MKLN1: variants seen among roughly 807,000 people sequenced by gnomAD.
MKLN1 encodes muskelin 1, also known as muskelin.
MKLN1 carries 18 observed loss-of-function variants against 99.0 expected under a neutral mutation model. The ratio of observed to expected loss-of-function variants is 0.18; its 90% confidence interval spans 0.13 to 0.27. MKLN1 has a LOEUF of 0.27. Among genes scored for constraint, MKLN1 ranks in the 10% least tolerant of loss-of-function variants. MKLN1 has a pLI of 1.00. For missense variants in MKLN1, 621 were observed against 875.9 expected (o/e 0.71, Z 3.67); for synonymous variants, 288 against 293.2 (o/e 0.98, Z 0.18).
chr7:131,364,789 GT>G (rs979364440), intron 1 of MKLN1, among the ~76,000 whole-genome samples: 4 of 151,626 alleles, frequency 2.6e-5, no homozygotes, highest in South Asian at 2.1e-4. Flanking sequence ...AAATGATCTC[GT>G]TTTTTTTATG....
intron 3 of MKLN1, among the ~76,000 whole-genome samples, chr7:131,254,736 T>C (rs995763180): frequency 6.6e-6 from 1 of 151,766 alleles, no homozygotes; most frequent in African/African-American, 2.4e-5. Flanking sequence ...TAGATAGAGA[T>C]TATTTAATCT....
chr7:131,472,958 A>C (rs2398764), intron 16 of MKLN1, among the ~76,000 whole-genome samples: 2 of 151,364 alleles, frequency 1.3e-5, no homozygotes, highest in Non-Finnish European at 3.0e-5. Flanking sequence ...AAAAAAAAAA[A>C]AAAAAAAGAA....
chr7:131,224,532 G>A (rs968201388), intron 3 of MKLN1, among the ~76,000 whole-genome samples: 1 of 151,926 alleles, frequency 6.6e-6, no homozygotes, highest in African/African-American at 2.4e-5. Context: ...GTGATAGAGC[G>A]AGACTCCTTC....
At chr7:131,158,318 C>A (rs7806683) in intron 2 of MKLN1, among the ~76,000 whole-genome samples, 8,545 of 152,184 alleles carry the variant, frequency 0.056, 291 homozygotes, top group African/African-American at 0.086. Context: ...GGCAAAGTCC[C>A]AGCTATTCTG....
intron 4 of MKLN1, among the ~76,000 whole-genome samples, chr7:131,391,241 G>A (rs1284381540): frequency 1.3e-5 from 2 of 151,962 alleles, no homozygotes; most frequent in Non-Finnish European, 2.9e-5. Context: ...TAGGTAAATC[G>A]TTAGAATTTG....
upstream of MKLN1, among the ~76,000 whole-genome samples, chr7:131,323,117 T>C (rs1477479614): frequency 2.6e-5 from 4 of 152,212 alleles, no homozygotes; most frequent in African/African-American, 9.7e-5. Flanking sequence ...AGCAGTCTTA[T>C]TCCCATTCTG....
chr7:131,410,158 G>A (rs2116319628), intron 6 of MKLN1, among the ~76,000 whole-genome samples: 1 of 152,194 alleles, frequency 6.6e-6, no homozygotes, highest in South Asian at 2.1e-4. Context: ...TATGTAGGGA[G>A]TTCAGTCTCC....
intron 2 of MKLN1, among the ~76,000 whole-genome samples, chr7:131,201,310 A>G (rs1796724576): frequency 6.6e-6 from 1 of 152,184 alleles, no homozygotes; most frequent in Admixed American, 6.5e-5. Flanking sequence ...GTGAGCCACC[A>G]TGCCCGGCCC....
chr7:131,236,129 T>C (rs1372645395), intron 3 of MKLN1, among the ~76,000 whole-genome samples: 1 of 152,168 alleles, frequency 6.6e-6, no homozygotes, highest in Non-Finnish European at 1.5e-5. Context: ...ATGTAAGTAG[T>C]AAGTAAAATG....
At chr7:131,428,337 A>G (rs1266616441) in intron 8 of MKLN1, among the ~76,000 whole-genome samples, 2 of 152,232 alleles carry the variant, frequency 1.3e-5, no homozygotes, top group South Asian at 2.1e-4. Flanking sequence ...GATACTTAGA[A>G]TGACTTAAAG....
chr7:131,376,095 A>AATATCTATATATATAT (rs1793638207), intron 2 of MKLN1, among the ~76,000 whole-genome samples: 1 of 108,064 alleles, frequency 9.3e-6, no homozygotes, highest in Non-Finnish European at 1.9e-5. Flanking sequence ...AATTCATGGA[A>AATATCTATATATATAT]ATATATATAT....
intron 1 of MKLN1, among the ~76,000 whole-genome samples, chr7:131,349,283 C>T (rs1450287133): frequency 6.6e-6 from 1 of 151,690 alleles, no homozygotes; most frequent in Non-Finnish European, 1.5e-5. Flanking sequence ...GCAACCTCTA[C>T]CTCCCAGGTT....
At chr7:131,337,249 T>A (rs1224768776) in intron 1 of MKLN1, among the ~76,000 whole-genome samples, 5 of 152,200 alleles carry the variant, frequency 3.3e-5, no homozygotes. Flanking sequence ...GAATTTGTAG[T>A]ATGACTGATC....
intron 6 of MKLN1, among the ~76,000 whole-genome samples, chr7:131,409,706 T>TAGTAAA (rs1254895161): frequency 6.6e-6 from 1 of 152,322 alleles, no homozygotes; most frequent in Admixed American, 6.5e-5. Flanking sequence ...CAGAGTTTAA[T>TAGTAAA]AGTAAAAGTA....
chr7:131,265,476 G>C (rs1267402716), intron 3 of MKLN1, among the ~76,000 whole-genome samples: 2 of 152,010 alleles, frequency 1.3e-5, no homozygotes, highest in African/African-American at 4.8e-5. Context: ...CCACTCCACA[G>C]CCTAGGCTGG....
intron 12 of MKLN1, among the ~76,000 whole-genome samples, chr7:131,457,004 G>A (rs1171583077): frequency 2.0e-5 from 3 of 152,314 alleles, no homozygotes; most frequent in Admixed American, 6.5e-5. Context: ...ACGGCCAGGG[G>A]TGATGGCTAG....
chr7:131,242,134 G>GCAT (rs1043976277), intron 3 of MKLN1, among the ~76,000 whole-genome samples: 1 of 152,210 alleles, frequency 6.6e-6, no homozygotes, highest in Non-Finnish European at 1.5e-5. Context: ...TGGAAAATTA[G>GCAT]CTGGCCAAGG....
Position 131,266,303 on chromosome 7 carries a change from A to AG in MKLN1, c.-179+63330dup, listed in dbSNP as rs1308342241. 5.3e-5 allele frequency among the ~76,000 whole-genome samples: 8 copies of AG among 152,186 alleles called. No individual in the cohort carries two copies. In the East Asian group the frequency reaches 1.5e-3, roughly 29 times the overall value. On this transcript the variant is annotated intron_variant, in intron 3 of 7. Transcript: ENST00000416992. ...CAACCAGAATTTTGTTTCTTGCAAT[A>AG]GTTGTGGGCAATTTACTTAACATCT...
At chr7:131,384,077 A>G (rs1159057929) in intron 2 of MKLN1, among the ~76,000 whole-genome samples, 2 of 152,042 alleles carry the variant, frequency 1.3e-5, no homozygotes, top group African/African-American at 4.8e-5. Context: ...CATTTTCAAC[A>G]CATACCATTT....
Sources: allele counts gnomAD v4.1 joint callset (sites outside exome capture counted in the v4.1 genomes callset), GRCh38; gene constraint gnomAD v4.1.1; transcripts MANE v1.5; gene names NCBI Gene and HGNC (gene_info 2026-07-23, HGNC 2026-07-21).